Variants in PAPPA2 observed in about 807,000 individuals in gnomAD.
PAPPA2 encodes pappalysin 2.
A neutral mutation model predicts 176.4 loss-of-function variants in PAPPA2; 86 were observed. The observed-to-expected ratio is 0.49, with a 90% confidence interval of 0.41 to 0.58. PAPPA2 has a LOEUF of 0.58. Ranked by LOEUF, PAPPA2 falls within the 20% of genes least tolerant of loss-of-function variation. The pLI, the probability that PAPPA2 is intolerant of heterozygous loss-of-function variation, is 0.00. For missense variants in PAPPA2, 2,073 were observed against 2,256.9 expected (o/e 0.92, Z 1.65); for synonymous variants, 809 against 852.2 (o/e 0.95, Z 0.88).
intron 2 of PAPPA2, among the ~76,000 whole-genome samples, chr1:176,566,542 T>C (rs1258406752): frequency 6.6e-6 from 1 of 152,184 alleles, no homozygotes; most frequent in Non-Finnish European, 1.5e-5. Flanking sequence ...CTGTGTGTTC[T>C]TTCTCAGACC....
chr1:176,642,388 G>C (rs752016993), intron 3 of PAPPA2, among the ~76,000 whole-genome samples: 2 of 151,700 alleles, frequency 1.3e-5, no homozygotes, highest in East Asian at 3.9e-4. Flanking sequence ...ACAAGAAGAG[G>C]CTAGGTAGAA....
At position 176,771,180 on chromosome 1, in the gene PAPPA2, AG is replaced by A. The variant is rs1369682970; in HGVS notation, c.4715+1del. 4.3e-6 allele frequency: 7 copies of A among 1,613,710 alleles called. No homozygotes were observed. ...GAAAGTGCAGAGGGTAAAGTCAGGA[AG>A]TAAGTTGAATGTTCCTGGTCTTTGG... On this transcript the variant is annotated splice_donor_variant, in intron 17 of 22. Transcript: ENST00000367662. LOFTEE classifies it high-confidence loss of function.
At chr1:176,520,292 C>A (rs559356477) in intron 1 of PAPPA2, among the ~76,000 whole-genome samples, 11 of 152,126 alleles carry the variant, frequency 7.2e-5, no homozygotes, top group Admixed American at 2.0e-4. Flanking sequence ...TGTTTCTGGT[C>A]AAAAATGTTC....
intron 2 of PAPPA2, among the ~76,000 whole-genome samples, chr1:176,574,400 G>A (rs1422236088): frequency 6.6e-6 from 1 of 152,136 alleles, no homozygotes; most frequent in African/African-American, 2.4e-5. Flanking sequence ...AGACTGTACA[G>A]CTATTAAGTT....
At chr1:176,557,680 T>C (rs1651408845) in intron 2 of PAPPA2, among the ~76,000 whole-genome samples, 1 of 152,034 alleles carries the variant, frequency 6.6e-6, no homozygotes, top group South Asian at 2.1e-4. Context: ...CTGGTCCAGG[T>C]GGTGAGGAAA....
intron 2 of PAPPA2, among the ~76,000 whole-genome samples, chr1:176,566,154 T>G (rs975470932): frequency 1.3e-5 from 2 of 152,150 alleles, no homozygotes; most frequent in African/African-American, 4.8e-5. Context: ...AACTTTCTCC[T>G]AGATTCCAGC....
chr1:176,504,598 G>T (rs1648149909), intron 1 of PAPPA2, among the ~76,000 whole-genome samples: 1 of 152,130 alleles, frequency 6.6e-6, no homozygotes, highest in African/African-American at 2.4e-5. Flanking sequence ...CCCTGATGCT[G>T]TCTAGTTTTT....
chr1:176,734,773 TA>T (rs35852885), intron 12 of PAPPA2, among the ~76,000 whole-genome samples: 1 of 152,120 alleles, frequency 6.6e-6, no homozygotes, highest in East Asian at 1.9e-4. Context: ...TCTTCACCTA[TA>T]AAAAAGTAAT....
At chr1:176,752,552 G>C (rs1044379275) in intron 14 of PAPPA2, among the ~76,000 whole-genome samples, 3 of 152,092 alleles carry the variant, frequency 2.0e-5, no homozygotes, top group Admixed American at 1.3e-4. Context: ...TGTATATTTG[G>C]TTTGGCTTGC....
chr1:176,732,555 A>G (rs926724733), intron 12 of PAPPA2, among the ~76,000 whole-genome samples: 1 of 152,208 alleles, frequency 6.6e-6, no homozygotes, highest in Non-Finnish European at 1.5e-5. Context: ...ACTAAGTGCT[A>G]AAGGCAAAGA....
rs1474757324 is a variant in PAPPA2 at position 176,769,702 on chromosome 1, C to T, written c.4419C>T (p.Asn1473=). ...DCGVPDPSLV[N]YANFSCSEGT... ...GTGTTCCCGACCCGTCTTTGGTGAA[C>T]TATGCAAACTTCTCCTGCTCAGAGG... Residue 1473 remains asparagine (N), a synonymous_variant, in exon 16 of 23, where the codon AAC becomes AAT. Transcript: ENST00000367662. 6.2e-7 allele frequency: 1 copy of T among 1,613,900 alleles called. No homozygotes were observed. The highest frequency in any genetic ancestry group is 1.3e-5 in the African/African-American group (1 of 74,896).
intron 1 of PAPPA2, among the ~76,000 whole-genome samples, chr1:176,506,379 T>G (rs1648267795): frequency 6.6e-6 from 1 of 152,070 alleles, no homozygotes; most frequent in Non-Finnish European, 1.5e-5. Flanking sequence ...TTTTTTCTAA[T>G]TATGTGAAGA....
chr1:176,699,474 C>T lies in PAPPA2; in HGVS notation c.3121C>T (p.His1041Tyr), dbSNP rs372179967. The T allele has an allele frequency of 1.3e-5, 21 of 1,614,120 alleles. No homozygotes were observed. In the East Asian group the frequency reaches 2.0e-4, roughly 15 times the overall value. The change falls in exon 8 of 23, where the codon CAC becomes TAC. Residue 1041 changes from histidine to tyrosine, a missense_variant. By Grantham distance (83) the His-to-Tyr change is moderately conservative. Transcript: ENST00000367662. Reference protein sequence around the residue: ...IDAALLTSQPHSPLCSGCRPV... With the variant: ...IDAALLTSQPYSPLCSGCRPV... ...TGCAGCACTCCTGACTTCTCAGCCCCACAGTCCCTTGTGCTCTGGCTGCAG... is the reference window on the plus strand; with the variant it reads ...TGCAGCACTCCTGACTTCTCAGCCCTACAGTCCCTTGTGCTCTGGCTGCAG...
intron 3 of PAPPA2, among the ~76,000 whole-genome samples, chr1:176,645,842 A>G (rs780218868): frequency 4.0e-5 from 6 of 151,624 alleles, no homozygotes; most frequent in Non-Finnish European, 5.9e-5. Context: ...AGGATTTGTG[A>G]TGTTGAGCAT....
chr1:176,797,464 TGA>T (rs1234845153), intron 20 of PAPPA2, among the ~76,000 whole-genome samples: 1 of 152,074 alleles, frequency 6.6e-6, no homozygotes, highest in Non-Finnish European at 1.5e-5. Context: ...GGCAACACAG[TGA>T]GACCCTATCT....
At chr1:176,562,570 G>T (rs1167914729) in intron 2 of PAPPA2, among the ~76,000 whole-genome samples, 3 of 152,194 alleles carry the variant, frequency 2.0e-5, no homozygotes, top group African/African-American at 7.2e-5. Flanking sequence ...CTGTGGAACT[G>T]TGCAGTTCCC....
At chr1:176,754,216 A>G (rs1010171718) in intron 14 of PAPPA2, among the ~76,000 whole-genome samples, 1 of 152,162 alleles carries the variant, frequency 6.6e-6, no homozygotes, top group African/African-American at 2.4e-5. Context: ...TTTGGTCAAA[A>G]GCTAGGAACA....
intron 1 of PAPPA2, among the ~76,000 whole-genome samples, chr1:176,522,416 A>C (rs1339115992): frequency 1.3e-5 from 2 of 151,070 alleles, no homozygotes; most frequent in Non-Finnish European, 3.0e-5. Context: ...AGTAGAAAAA[A>C]CTCCTTTCAT....
At chr1:176,732,815 A>G (rs753485826) in intron 12 of PAPPA2, among the ~76,000 whole-genome samples, 3 of 152,140 alleles carry the variant, frequency 2.0e-5, no homozygotes, top group Non-Finnish European at 4.4e-5. Context: ...ATTGTCTCCA[A>G]TTCATTAAGT....
Sources: allele counts gnomAD v4.1 joint callset (sites outside exome capture counted in the v4.1 genomes callset), GRCh38; gene constraint gnomAD v4.1.1; transcripts MANE v1.5; gene names NCBI Gene and HGNC (gene_info 2026-07-23, HGNC 2026-07-21).